EML6: variants seen among roughly 807,000 people sequenced by gnomAD.
EML6 encodes the protein EMAP like 6.
In EML6, 154 loss-of-function variants were observed where a neutral mutation model predicts 240.1. The ratio of observed to expected loss-of-function variants is 0.64; its 90% CI spans 0.56 to 0.73. The LOEUF (loss-of-function observed/expected upper bound fraction) is 0.73. Ranked by LOEUF, EML6 falls within the 30% of genes least tolerant of loss-of-function variation. The pLI, the probability that EML6 is intolerant of heterozygous loss-of-function variation, is 0.00. For synonymous variants in EML6, 1,148 were observed against 899.0 expected, an observed-to-expected ratio of 1.28 and a Z score of -4.95; for missense variants, 2,964 against 2,474.6, an observed-to-expected ratio of 1.20 and a Z score of -4.20.
chr2:54,829,500 C>A, intron 7 of EML6, 23 bp downstream of exon 7: 2 of 1,526,956 alleles, frequency 1.3e-6, no homozygotes, highest in South Asian at 2.4e-5. Flanking sequence ...TTAAGCTTAC[C>A]TGTAACTCTG....
Position 54,846,690 on chromosome 2 carries a change from C to A in EML6, c.1050-796C>A, listed in dbSNP as rs571557967. 3.0e-4 allele frequency among the ~76,000 whole-genome samples: 46 copies of A among 152,158 alleles called. No homozygotes were observed. In the South Asian group the frequency reaches 8.3e-3, roughly 27 times the overall value. On this transcript the variant is annotated intron_variant, in intron 8 of 41. Transcript: ENST00000356458. ...TTAGAGATGGAGTCTCACCATGTTG[C>A]TCAGGCTGGTCTTGAACTCCTGGGC...
intron 28 of EML6, among the ~76,000 whole-genome samples, chr2:54,938,223 G>A (rs1675251375): frequency 6.6e-6 from 1 of 152,098 alleles, no homozygotes; most frequent in African/African-American, 2.4e-5. Context: ...GCGGGCACCT[G>A]TAATCACAGC....
At chr2:54,898,931 A>G (rs916029017) in intron 21 of EML6, among the ~76,000 whole-genome samples, 5 of 152,196 alleles carry the variant, frequency 3.3e-5, no homozygotes, top group Non-Finnish European at 7.3e-5. Context: ...CTTAGTTATT[A>G]TTCTAAGCCA....
At chr2:54,775,019 A>G (rs976180575) in intron 2 of EML6, among the ~76,000 whole-genome samples, 2 of 152,258 alleles carry the variant, frequency 1.3e-5, no homozygotes, top group Admixed American at 6.5e-5. Context: ...GCAAATACTT[A>G]GTGAGCAGAC....
chr2:54,890,243 T>TA (rs1254090085), intron 17 of EML6, among the ~76,000 whole-genome samples: 2 of 152,240 alleles, frequency 1.3e-5, no homozygotes, highest in African/African-American at 4.8e-5. Flanking sequence ...TGTATTGTTT[T>TA]TAATATGCTT....
chr2:54,729,375 T>A (rs1683055946), intron 2 of EML6, among the ~76,000 whole-genome samples: 1 of 152,254 alleles, frequency 6.6e-6, no homozygotes, highest in Non-Finnish European at 1.5e-5. Context: ...CGTTTCATTC[T>A]GTTTTCATTT....
In EML6 at chr2:54,853,629, T is replaced by C; in HGVS notation, c.1445-14T>C. 3.4e-6 allele frequency: 5 copies of C among 1,455,800 alleles called. No individual in the cohort carries two copies. The highest frequency in any genetic ancestry group is 3.7e-6 in the Non-Finnish European group (4 of 1,074,930). 90.2% of individuals were successfully genotyped at this position (1,455,800 alleles called of 1,614,324 possible). A position where few individuals can be genotyped will look rare whatever the true frequency, so the allele number is the denominator to read the frequency against. On this transcript the variant is annotated splice_polypyrimidine_tract_variant and intron_variant, in intron 10 of 41. Transcript: ENST00000356458. ...TTTTTATTTAAATGTAATGTTAATA[T>C]TGATTATTTTCAGCTGGGAAGCCTT...
chr2:54,793,412 G>C (rs1358880722), intron 2 of EML6, among the ~76,000 whole-genome samples: 2 of 121,840 alleles, frequency 1.6e-5, no homozygotes, highest in East Asian at 4.6e-4. Context: ...TTGGGTCCCA[G>C]CATATCGTAA....
Position 54,971,146 on chromosome 2 carries a change from A to G in EML6, c.*1051A>G, listed in dbSNP as rs1033501637. On this transcript the variant is annotated 3_prime_UTR_variant, in exon 42 of 42. Coordinates refer to ENST00000356458, the MANE Select transcript of EML6 (RefSeq NM_001039753.4). ...CATTTGATTGCTTCAGGCGAACTAT[A>G]TAGGTCAAGTCCAGATTATAAAAAA... The G allele has an allele frequency of 6.6e-6, 1 of 152,240 alleles. No individual in the cohort carries two copies. The highest frequency in any genetic ancestry group is 2.4e-5 in the African/African-American group (1 of 41,456). 9.4% of individuals were successfully genotyped at this position (152,240 alleles called of 1,614,324 possible). A position where few individuals can be genotyped will look rare whatever the true frequency, so the allele number is the denominator to read the frequency against.
In EML6 at chr2:54,816,794, C is replaced by A. The variant is rs1572944534; in HGVS notation, c.365C>A (p.Ala122Asp). 1 of 1,550,342 alleles carries A rather than the reference C, an allele frequency of 6.5e-7. No individual in the cohort carries two copies. Among genetic ancestry groups the A allele is most frequent in the Admixed American group, 2.0e-5 (1 of 50,970 alleles). The change falls in exon 4 of 42, where the codon GCC (alanine) becomes GAC (aspartate). Residue 122 changes from alanine (A) to aspartate (D), a missense_variant. Physicochemically the swap from Ala to Asp is moderately radical, Grantham distance 126. Coordinates refer to ENST00000356458, the MANE Select transcript of EML6 (RefSeq NM_001039753.4). ...TATTGTTCTTATTCTTAGCGTTTAG[C>A]CTCTGTGGGGTTGGATGCCAAAAAC... is the stretch of plus-strand genomic sequence containing the variant. ...LAFDSDGQRL[A>D]SVGLDAKNTV...
At position 54,725,459 on chromosome 2, in the gene EML6, C is replaced by G. The variant is rs1003609921; in HGVS notation, c.197+201C>G. Among the ~76,000 whole-genome samples, 1 of 152,082 alleles carries G rather than the reference C, an allele frequency of 6.6e-6. No homozygotes were observed. On this transcript the variant is annotated intron_variant, in intron 2 of 41. Transcript: ENST00000356458. This position sits in a 1 kb window ranked among gnomAD's most constrained non-coding sequence, Gnocchi z 4.3. ...AGTGTAGGTGAGGAGGGAGAGATGTCTTTTCGCTGTATCCCTCCGGAATTC... is the reference window on the plus strand; with the variant it reads ...AGTGTAGGTGAGGAGGGAGAGATGTGTTTTCGCTGTATCCCTCCGGAATTC...
chr2:54,791,666 C>G (rs182456722), intron 2 of EML6, among the ~76,000 whole-genome samples: 34 of 152,240 alleles, frequency 2.2e-4, no homozygotes, highest in Admixed American at 2.0e-3. Context: ...TGGGTAAACA[C>G]TATAACTGTG....
intron 5 of EML6, among the ~76,000 whole-genome samples, chr2:54,824,711 C>G (rs980175095): frequency 8.5e-5 from 13 of 152,098 alleles, no homozygotes; most frequent in South Asian, 6.2e-4. Context: ...GCAAATGAGC[C>G]TACCGGGTTT....
At chr2:54,918,572 C>G (rs1674056277) in intron 26 of EML6, among the ~76,000 whole-genome samples, 3 of 152,154 alleles carry the variant, frequency 2.0e-5, no homozygotes, top group Admixed American at 1.3e-4. Flanking sequence ...GTCCCAAACT[C>G]TTGGACTCAA....
At chr2:54,763,615 T>G (rs1668065350) in intron 2 of EML6, among the ~76,000 whole-genome samples, 1 of 152,190 alleles carries the variant, frequency 6.6e-6, no homozygotes, top group Admixed American at 6.5e-5. Context: ...GGTAGGTGGG[T>G]AGAGATATTA....
chr2:54,785,591 A>G (rs1048204795), intron 2 of EML6, among the ~76,000 whole-genome samples: 1 of 152,214 alleles, frequency 6.6e-6, no homozygotes, highest in African/African-American at 2.4e-5. Context: ...ATGATTTAAT[A>G]CTGCATCTTT....
intron 32 of EML6, among the ~76,000 whole-genome samples, chr2:54,954,484 A>G (rs892207389): frequency 6.6e-6 from 1 of 152,168 alleles, no homozygotes; most frequent in African/African-American, 2.4e-5. Context: ...TTCCTACCCA[A>G]GGGTCCTTGT....
chr2:54,841,510 T>C (rs1375705009), intron 7 of EML6, among the ~76,000 whole-genome samples: 2 of 152,100 alleles, frequency 1.3e-5, no homozygotes, highest in Non-Finnish European at 2.9e-5. Flanking sequence ...ATCAAGATTA[T>C]AGTTAGGATG....
At chr2:54,922,470 T>C (rs1157606853) in intron 26 of EML6, among the ~76,000 whole-genome samples, 1 of 152,162 alleles carries the variant, frequency 6.6e-6, no homozygotes, top group East Asian at 1.9e-4. Context: ...GTGCAGTCAT[T>C]ATGGAAAACG....
Sources: allele counts gnomAD v4.1 joint callset (sites outside exome capture counted in the v4.1 genomes callset), GRCh38; gene constraint gnomAD v4.1.1; non-coding constraint Gnocchi (gnomAD v3.1); transcripts MANE v1.5; gene names NCBI Gene and HGNC (gene_info 2026-07-23, HGNC 2026-07-21).